FUT8: variants seen among roughly 807,000 people sequenced by gnomAD.
The protein encoded by FUT8 is alpha-(1,6)-fucosyltransferase.
A neutral mutation model predicts 71.3 loss-of-function variants in FUT8; 29 were observed. The ratio of observed to expected loss-of-function variants is 0.41; its 90% CI spans 0.30 to 0.55. The LOEUF is 0.55. FUT8 is among the 20% of genes least tolerant of loss of function. The pLI is 0.34. For synonymous variants in FUT8, 254 were observed against 239.3 expected, an observed-to-expected ratio of 1.06 and a Z score of -0.57; for missense variants, 544 against 702.1, an observed-to-expected ratio of 0.77 and a Z score of 2.55.
intron 3 of FUT8, among the ~76,000 whole-genome samples, chr14:65,613,104 T>C (rs1218024796): frequency 1.3e-5 from 2 of 152,184 alleles, no homozygotes; most frequent in Non-Finnish European, 2.9e-5. Context: ...AATTCCATTA[T>C]GTTTTATTAG....
chr14:65,621,715 C>T (rs985751951), intron 5 of FUT8, among the ~76,000 whole-genome samples: 1 of 152,164 alleles, frequency 6.6e-6, no homozygotes, highest in South Asian at 2.1e-4. Flanking sequence ...TCGCCTGCCA[C>T]TACACCCAGC....
chr14:65,377,027 C>A, the FUT8 span, among the ~76,000 whole-genome samples: 1 of 152,180 alleles, frequency 6.6e-6, no homozygotes, highest in Non-Finnish European at 1.5e-5. Context: ...GTCAGTTAAT[C>A]ACTTTTATGC....
intron 9 of FUT8, among the ~76,000 whole-genome samples, chr14:65,729,100 A>C (rs1895832369): frequency 7.7e-6 from 1 of 129,566 alleles, no homozygotes; most frequent in East Asian, 2.2e-4. Flanking sequence ...AGCATGGCTC[A>C]CTGCAGCCTC....
At chr14:65,715,919 G>A (rs1274086885) in intron 7 of FUT8, among the ~76,000 whole-genome samples, 1 of 150,506 alleles carries the variant, frequency 6.6e-6, no homozygotes, top group Admixed American at 6.6e-5. Flanking sequence ...AGAGTCTGCA[G>A]TGAGCTGAGG....
intron 2 of FUT8, among the ~76,000 whole-genome samples, chr14:65,463,424 G>C (rs561851782): frequency 3.3e-5 from 5 of 151,912 alleles, no homozygotes; most frequent in Non-Finnish European, 7.4e-5. Context: ...ACACCACCAT[G>C]CCTGGCTAAT....
chr14:65,571,375 C>T (rs1310554211), intron 3 of FUT8, among the ~76,000 whole-genome samples: 3 of 152,062 alleles, frequency 2.0e-5, no homozygotes, highest in Non-Finnish European at 4.4e-5. Context: ...CAGTGATTGC[C>T]AGAAAATGTG....
At chr14:65,500,772 G>C (rs1441367301) in intron 2 of FUT8, among the ~76,000 whole-genome samples, 5 of 152,058 alleles carry the variant, frequency 3.3e-5, no homozygotes, top group Non-Finnish European at 7.4e-5. Context: ...CTGAACAATG[G>C]CAGAGGCAGA....
intron 7 of FUT8, among the ~76,000 whole-genome samples, chr14:65,686,933 G>A (rs1009412467): frequency 2.0e-5 from 3 of 152,176 alleles, no homozygotes; most frequent in African/African-American, 4.8e-5. Flanking sequence ...TAGGTAACCT[G>A]TGACTCATGC....
chr14:65,439,954 G>GTGTGTGTATATATATATATA, intron 1 of FUT8, among the ~76,000 whole-genome samples: 42 of 74,958 alleles, frequency 5.6e-4, no homozygotes, highest in South Asian at 1.8e-3. Context: ...GTGTGTGTGT[G>GTGTGTGTATATATATATATA]TATATATATA....
chr14:65,470,959 G>T (rs1008295455), intron 2 of FUT8: 10 of 378,914 alleles, frequency 2.6e-5, no homozygotes, highest in Non-Finnish European at 4.6e-5. Context: ...ACTATTAGAG[G>T]CTAAAATTTC....
intron 1 of FUT8, among the ~76,000 whole-genome samples, chr14:65,451,220 G>A (rs1239873305): frequency 6.6e-6 from 1 of 152,252 alleles, no homozygotes; most frequent in Non-Finnish European, 1.5e-5. Flanking sequence ...GGGAATTGGA[G>A]TGAATGAGTA....
intron 2 of FUT8, among the ~76,000 whole-genome samples, chr14:65,504,838 G>T (rs1422280580): frequency 2.0e-5 from 3 of 152,164 alleles, no homozygotes; most frequent in African/African-American, 7.2e-5. Context: ...ATAGGTGTGA[G>T]CCACTGTGCA....
intron 10 of FUT8, among the ~76,000 whole-genome samples, chr14:65,734,824 T>G (rs1896140422): frequency 1.3e-5 from 2 of 152,166 alleles, no homozygotes; most frequent in Non-Finnish European, 2.9e-5. Flanking sequence ...CTGCCTGAAG[T>G]CAACTCCTCT....
intron 7 of FUT8, among the ~76,000 whole-genome samples, chr14:65,682,994 T>A (rs1893107134): frequency 6.6e-6 from 1 of 151,966 alleles, no homozygotes; most frequent in Non-Finnish European, 1.5e-5. Flanking sequence ...AACCAATGTT[T>A]ACATTCACAG....
At chr14:65,659,046 A>T (rs993227680) in intron 6 of FUT8, among the ~76,000 whole-genome samples, 7 of 152,112 alleles carry the variant, frequency 4.6e-5, no homozygotes, top group African/African-American at 1.7e-4. Flanking sequence ...GCAGTTTATT[A>T]TGGATCTTAA....
At chr14:65,411,981 C>A (rs1327734488), upstream of FUT8, 8 of 455,526 alleles carry the variant, frequency 1.8e-5, no homozygotes, top group Admixed American at 1.7e-4. Context: ...GGGAATTTTC[C>A]GAGTCCGAGC....
chr14:65,679,516 A>C (rs563411618), intron 7 of FUT8, among the ~76,000 whole-genome samples: 2 of 152,358 alleles, frequency 1.3e-5, no homozygotes, highest in South Asian at 4.1e-4. Flanking sequence ...TTATGTATGC[A>C]TTAATAATGG....
At chr14:65,576,083 C>T (rs1214142324) in intron 3 of FUT8, among the ~76,000 whole-genome samples, 1 of 152,160 alleles carries the variant, frequency 6.6e-6, no homozygotes, top group South Asian at 2.1e-4. Context: ...CTTATAATAG[C>T]TCACTTGCTG....
intron 2 of FUT8, among the ~76,000 whole-genome samples, chr14:65,514,698 T>A (rs2139833191): frequency 6.6e-6 from 1 of 152,222 alleles, no homozygotes; most frequent in Middle Eastern, 3.4e-3. Flanking sequence ...CTTCTTTTTT[T>A]TTTTTTAAAT....
Sources: gnomAD v4.1 joint callset for allele counts (sites outside exome capture counted in the v4.1 genomes callset) on GRCh38, gnomAD v4.1.1 for gene constraint, MANE v1.5 for transcripts, NCBI Gene and HGNC (gene_info 2026-07-23, HGNC 2026-07-21) for gene names.